Variants in KCTD19 observed in about 807,000 individuals in gnomAD.
KCTD19 encodes BTB/POZ domain-containing protein KCTD19.
Under a neutral mutation model 103.5 loss-of-function variants are expected in KCTD19, and 67 were observed. The observed-to-expected ratio is 0.65, with a 90% CI of 0.53 to 0.79. The LOEUF (loss-of-function observed/expected upper bound fraction) is 0.79. KCTD19 is among the 30% of genes least tolerant of loss of function. KCTD19 has a pLI of 0.00. For missense variants in KCTD19, 980 were observed against 1,136.1 expected (o/e 0.86, Z 1.98); for synonymous variants, 439 against 452.2 (o/e 0.97, Z 0.37).
intron 2 of KCTD19, among the ~76,000 whole-genome samples, chr16:67,319,986 T>C (rs1162912843): frequency 3.3e-5 from 5 of 152,218 alleles, no homozygotes; most frequent in African/African-American, 1.2e-4. Context: ...AGTAGCTTAA[T>C]ATAGGATTTT....
At position 67,289,676 on chromosome 16, in the gene KCTD19, G is replaced by A. The variant is rs202058376; in HGVS notation, c.2674C>T (p.Leu892=). 591 of 1,612,330 alleles carry A rather than the reference G, an allele frequency of 3.7e-4. 1 individual carries two copies. The highest frequency in any genetic ancestry group is 4.5e-4 in the Non-Finnish European group (528 of 1,178,590). ...ERLYSWVELT[L]PFARKYGRCM... ...CGGCCATATTTCCTGGCGAAGGGCAGTGTAAGCTGGAAGGAAAGGCCAGTC... is the reference window on the plus strand; with the variant it reads ...CGGCCATATTTCCTGGCGAAGGGCAATGTAAGCTGGAAGGAAAGGCCAGTC... Residue 892 remains leucine, a synonymous_variant, in exon 16 of 16, where the codon CTG becomes TTG. Transcript: ENST00000304372.
rs979529716 is a variant in KCTD19 at position 67,308,958 on chromosome 16, C to A, written c.301-4387G>T. On this transcript the variant is annotated intron_variant, in intron 2 of 15. Coordinates refer to ENST00000304372, the MANE Select transcript of KCTD19 (RefSeq NM_001100915.3). Reference sequence around the variant, plus strand: ...GACGAGCCTGGCCAACATGGCAAAACCCCAACTCTACTAAATATACAAAAA... The same window carrying A: ...GACGAGCCTGGCCAACATGGCAAAAACCCAACTCTACTAAATATACAAAAA... 2.4e-4 allele frequency among the ~76,000 whole-genome samples: 37 copies of A among 151,824 alleles called. 1 individual carries two copies. Among genetic ancestry groups the A allele is most frequent in the African/African-American group, 8.2e-4 (34 of 41,336 alleles).
intron 2 of KCTD19, among the ~76,000 whole-genome samples, chr16:67,311,782 G>A (rs2036952384): frequency 6.6e-6 from 1 of 151,898 alleles, no homozygotes; most frequent in South Asian, 2.1e-4. Context: ...TCTTTGTTGG[G>A]ATATGAGCCA....
Position 67,296,151 on chromosome 16 carries a change from G to T in KCTD19, c.1248+8C>A. ...GATGGGGAGCAGGGCAGCCGAGGCCGTCAGTACCTTCAGCAGTGTCTGCAG... is the reference window on the plus strand; with the variant it reads ...GATGGGGAGCAGGGCAGCCGAGGCCTTCAGTACCTTCAGCAGTGTCTGCAG... On this transcript the variant is annotated splice_region_variant and intron_variant, in intron 8 of 15. Transcript: ENST00000304372. 1 of 1,572,078 alleles carries T rather than the reference G, an allele frequency of 6.4e-7. No homozygotes were observed. The highest frequency in any genetic ancestry group is 8.8e-7 in the Non-Finnish European group (1 of 1,141,602).
rs189468310 is a variant in KCTD19, at chr16:67,322,635, T to C, written c.4-1750A>G. Reference sequence around the variant, plus strand: ...ATCTTTAGAAGAAAATAGAAAATCTTCATGACTTTGGAGTAGGCAAAACTT... The same window carrying C: ...ATCTTTAGAAGAAAATAGAAAATCTCCATGACTTTGGAGTAGGCAAAACTT... On this transcript the variant is annotated intron_variant, in intron 1 of 15. Coordinates refer to ENST00000304372, the MANE Select transcript of KCTD19 (RefSeq NM_001100915.3). Among the ~76,000 whole-genome samples, 283 of 152,302 alleles carry C rather than the reference T, an allele frequency of 1.9e-3. 4 individuals carry two copies. Among genetic ancestry groups the C allele is most frequent in the Non-Finnish European group, 3.3e-3 (222 of 68,028 alleles).
intron 1 of KCTD19, chr16:67,321,988 C>T (rs559811322): frequency 6.6e-6 from 1 of 152,490 alleles, no homozygotes; most frequent in East Asian, 1.9e-4. Context: ...CCTCACATCC[C>T]ACACTTTTAA....
intron 5 of KCTD19, 84 bp downstream of exon 5, chr16:67,301,707 G>A: frequency 7.6e-7 from 1 of 1,322,546 alleles, no homozygotes; most frequent in Non-Finnish European, 1.1e-6. Context: ...AGCCCGAAGT[G>A]ATTGTGGGAG....
chr16:67,314,830 T>TAGAGAGAGAGAGAG (rs71145965), intron 2 of KCTD19, among the ~76,000 whole-genome samples: 4 of 33,652 alleles, frequency 1.2e-4, no homozygotes, highest in African/African-American at 2.1e-4. Context: ...TATATATATA[T>TAGAGAGAGAGAGAG]AGAGAGAGAG....
intron 2 of KCTD19, among the ~76,000 whole-genome samples, chr16:67,315,893 TGTGA>T (rs1267239827): frequency 1.3e-5 from 2 of 152,048 alleles, no homozygotes; most frequent in Admixed American, 1.3e-4. Context: ...GGATTATAGG[TGTGA>T]GCCACCGCGT....
chr16:67,309,145 GAAAAAAGA>G (rs1323167046), intron 2 of KCTD19, among the ~76,000 whole-genome samples: 2 of 143,324 alleles, frequency 1.4e-5, no homozygotes, highest in African/African-American at 5.1e-5. Flanking sequence ...AAAAAAAAAA[GAAAAAAGA>G]AAGAAAGAAA....
At position 67,291,688 on chromosome 16, in the gene KCTD19, T is replaced by A; in HGVS notation, c.2368A>T (p.Asn790Tyr). 1 of 1,614,052 alleles carries A rather than the reference T, an allele frequency of 6.2e-7. No homozygotes were observed. Among genetic ancestry groups the A allele is most frequent in the Admixed American group, 1.7e-5 (1 of 60,020 alleles). ...GCTGTGGGTGTTGTGTGCCTGAGGTTGTCCATCTCCGTGGTATAGATGATG... is the reference window on the plus strand; with the variant it reads ...GCTGTGGGTGTTGTGTGCCTGAGGTAGTCCATCTCCGTGGTATAGATGATG... ...DSIIYTTEMDNLRHTTPTASP... is the reference protein window; with the variant it reads ...DSIIYTTEMDYLRHTTPTASP... Residue 790 changes from asparagine (N) to tyrosine (Y), a missense_variant, in exon 13 of 16, where the codon AAC becomes TAC. By Grantham distance (143) the Asn-to-Tyr change is moderately radical. Transcript: ENST00000304372.
At chr16:67,325,357 C>T (rs1222632669) in intron 1 of KCTD19, among the ~76,000 whole-genome samples, 2 of 149,750 alleles carry the variant, frequency 1.3e-5, no homozygotes, top group African/African-American at 5.0e-5. Context: ...GGACTACAGG[C>T]GCCCGCCACC....
At chr16:67,312,922 G>T (rs1367412379) in intron 2 of KCTD19, among the ~76,000 whole-genome samples, 1 of 151,986 alleles carries the variant, frequency 6.6e-6, no homozygotes, top group Admixed American at 6.6e-5. Flanking sequence ...CTAGGCCAGG[G>T]GTCAGCAAGT....
At chr16:67,292,177 T>C (rs558029716) in intron 12 of KCTD19, among the ~76,000 whole-genome samples, 2 of 152,232 alleles carry the variant, frequency 1.3e-5, no homozygotes, top group Non-Finnish European at 2.9e-5. Context: ...TAAAATTCTT[T>C]TCTTCAATTA....
chr16:67,313,010 C>T (rs996487787), intron 2 of KCTD19, among the ~76,000 whole-genome samples: 1 of 152,184 alleles, frequency 6.6e-6, no homozygotes, highest in African/African-American at 2.4e-5. Flanking sequence ...AACTCAACCA[C>T]TCAGCTCTGT....
At position 67,320,651 on chromosome 16, in the gene KCTD19, A is replaced by G; in HGVS notation, c.238T>C (p.Cys80Arg). 6.2e-7 allele frequency: 1 copy of G among 1,614,206 alleles called. No individual in the cohort carries two copies. The change falls in exon 2 of 16, where the codon TGT (cysteine) becomes CGT (arginine). Residue 80 changes from cysteine (C) to arginine (R), a missense_variant. Cys to Arg is a radical substitution (Grantham distance 180). Coordinates refer to ENST00000304372, the MANE Select transcript of KCTD19 (RefSeq NM_001100915.3). This position sits in a 1 kb window ranked among gnomAD's most constrained non-coding sequence, Gnocchi z 4.0. ...LYTSKLSFSS[C>R]AELNLLYEQA... is the part of the protein sequence containing the mutation. ...TCATACAGCAAGTTCAGTTCTGCAC[A>G]ACTGGAGAAGGAGAGTTTGGAGGTG...
At position 67,320,846 on chromosome 16, in the gene KCTD19, A is replaced by G. The variant is rs1448725969; in HGVS notation, c.43T>C (p.Phe15Leu). The change falls in exon 2 of 16, where the codon TTT becomes CTT. Residue 15 changes from phenylalanine (F) to leucine (L), a missense_variant. By Grantham distance (22) the Phe-to-Leu change is conservative. Transcript: ENST00000304372. This position sits in a 1 kb window ranked among gnomAD's most constrained non-coding sequence, Gnocchi z 4.0. ...TGCCAGCCCCCTACGTTGAAATGAA[A>G]CAAGTCCTCTGCTGATTCATGAGCC... ...GMAHESAEDL[F>L]HFNVGGWHFS... 1 of 1,614,038 alleles carries G rather than the reference A, an allele frequency of 6.2e-7. No homozygotes were observed. The highest frequency in any genetic ancestry group is 2.2e-5 in the East Asian group (1 of 44,902).
chr16:67,291,661 T>G lies in KCTD19; in HGVS notation c.2395A>C (p.Ser799Arg). The G allele has an allele frequency of 5.0e-6, 8 of 1,613,718 alleles. No homozygotes were observed. The highest frequency in any genetic ancestry group is 1.7e-4 in the Middle Eastern group (1 of 6,058). Residue 799 changes from serine (S) to arginine (R), a missense_variant, in exon 13 of 16, where the codon AGT becomes CGT. Coordinates refer to ENST00000304372, the MANE Select transcript of KCTD19 (RefSeq NM_001100915.3). ...DNLRHTTPTA[S>R]PQPQEVTFLS... ...AGAGCCTCACCTTGGGGCTGGGGAC[T>G]GGCTGTGGGTGTTGTGTGCCTGAGG...
At chr16:67,309,399 G>A (rs2036927654) in intron 2 of KCTD19, among the ~76,000 whole-genome samples, 1 of 152,208 alleles carries the variant, frequency 6.6e-6, no homozygotes, top group Non-Finnish European at 1.5e-5. Context: ...AGGCCAGAGG[G>A]AAGACCTAAC....
Sources: allele counts gnomAD v4.1 joint callset (sites outside exome capture counted in the v4.1 genomes callset), GRCh38; gene constraint gnomAD v4.1.1; non-coding constraint Gnocchi (gnomAD v3.1); transcripts MANE v1.5; gene names NCBI Gene and HGNC (gene_info 2026-07-23, HGNC 2026-07-21).